The following ERGIC1 variants were observed in gnomAD, a reference collection of about 807,000 sequenced individuals.
ERGIC1 encodes endoplasmic reticulum-Golgi intermediate compartment protein 1.
A neutral mutation model predicts 38.3 loss-of-function variants in ERGIC1; 19 were observed. That is an observed-to-expected ratio of 0.50 (90% CI 0.35 to 0.73). The LOEUF (loss-of-function observed/expected upper bound fraction) is 0.73, where lower values mean the gene tolerates loss of function less well. Among genes scored for constraint, ERGIC1 ranks in the 30% least tolerant of loss-of-function variants. The pLI is 0.01. For synonymous variants in ERGIC1, 124 were observed against 157.6 expected (o/e 0.79, Z 1.60); for missense variants, 294 against 389.2 (o/e 0.76, Z 2.06).
chr5:172,840,428 G>A (rs534203402), intron 1 of ERGIC1, among the ~76,000 whole-genome samples: 110 of 152,274 alleles, frequency 7.2e-4, no homozygotes, highest in African/African-American at 2.6e-3. Context: ...TTTGGGGTGA[G>A]GCTTACCCGG....
intron 5 of ERGIC1, 89 bp downstream of exon 5, chr5:172,914,927 T>A: frequency 6.3e-7 from 1 of 1,578,914 alleles, no homozygotes; most frequent in South Asian, 1.1e-5. Flanking sequence ...AGGCACTCAC[T>A]CGACCTGACC....
chr5:172,877,572 CT>C (rs1317363913), intron 1 of ERGIC1, among the ~76,000 whole-genome samples: 2 of 150,160 alleles, frequency 1.3e-5, no homozygotes, highest in Non-Finnish European at 3.0e-5. Context: ...CACCACCCCC[CT>C]GACACAGGGA....
At chr5:172,944,360 C>CT (rs113635969) in intron 9 of ERGIC1, among the ~76,000 whole-genome samples, 4,766 of 146,044 alleles carry the variant, frequency 0.033, 165 homozygotes, top group East Asian at 0.13. Context: ...ATTAGTCTTC[C>CT]TTTTTTTTTT....
At chr5:172,948,163 C>T (rs1405596064) in intron 9 of ERGIC1, among the ~76,000 whole-genome samples, 1 of 152,164 alleles carries the variant, frequency 6.6e-6, no homozygotes, top group Non-Finnish European at 1.5e-5. Context: ...TCTCCACTCC[C>T]TGGGGGGCCG....
intron 1 of ERGIC1, among the ~76,000 whole-genome samples, chr5:172,848,622 C>G (rs573242407): frequency 6.6e-6 from 1 of 152,118 alleles, no homozygotes; most frequent in Admixed American, 6.5e-5. Flanking sequence ...TCCTCGAGAG[C>G]AGGGGCCATA....
chr5:172,911,439 G>A (rs1264992686), intron 4 of ERGIC1, among the ~76,000 whole-genome samples: 2 of 152,150 alleles, frequency 1.3e-5, no homozygotes, highest in Admixed American at 1.3e-4. Context: ...GGTTCCAGGA[G>A]GGGCCAGGCA....
intron 1 of ERGIC1, among the ~76,000 whole-genome samples, chr5:172,884,300 C>A (rs987175302): frequency 2.9e-5 from 4 of 140,268 alleles, no homozygotes; most frequent in Non-Finnish European, 1.5e-5. Context: ...GTAGCCCAGG[C>A]TGGAGTGCAA....
intron 8 of ERGIC1, chr5:172,934,281 T>C (rs1763840621): frequency 6.6e-6 from 1 of 152,338 alleles, no homozygotes; most frequent in Non-Finnish European, 1.5e-5. Flanking sequence ...TTGCAGACTT[T>C]AGCACCTTGA....
In ERGIC1 at chr5:172,894,132, C is replaced by CTTT. The variant is rs781661227; in HGVS notation, c.83-2848_83-2846dup. ...TCACTGTCTTATGGTGCTGATGATA[C>CTTT]TTTTTTTTTTTTTTTTTTTTTTTTA... On this transcript the variant is annotated intron_variant, in intron 2 of 9. Coordinates refer to ENST00000393784, the MANE Select transcript of ERGIC1 (RefSeq NM_001031711.3). Among the ~76,000 whole-genome samples the CTTT allele has an allele frequency of 1.9e-3, 20 of 10,486 alleles. 4 individuals carry two copies. The highest frequency in any genetic ancestry group is 6.7e-3 in the African/African-American group (19 of 2,818). 6.9% of individuals were successfully genotyped at this position (10,486 alleles called of 152,430 possible).
chr5:172,899,113 C>T (rs1762806423), intron 3 of ERGIC1, among the ~76,000 whole-genome samples: 1 of 152,082 alleles, frequency 6.6e-6, no homozygotes, highest in Non-Finnish European at 1.5e-5. Context: ...AGGCACCAGG[C>T]AGGTGGCTTT....
At chr5:172,883,640 T>C (rs1436002984) in intron 1 of ERGIC1, among the ~76,000 whole-genome samples, 1 of 152,128 alleles carries the variant, frequency 6.6e-6, no homozygotes, top group Non-Finnish European at 1.5e-5. Context: ...AGGCACAGGG[T>C]GCCGATGTGT....
At chr5:172,940,905 T>C (rs1337408407) in intron 9 of ERGIC1, among the ~76,000 whole-genome samples, 3 of 152,254 alleles carry the variant, frequency 2.0e-5, no homozygotes, top group African/African-American at 7.2e-5. Flanking sequence ...CTGACTTACC[T>C]GTGTCCCCAG....
chr5:172,861,436 C>T (rs1047749810), intron 1 of ERGIC1, among the ~76,000 whole-genome samples: 1 of 152,232 alleles, frequency 6.6e-6, no homozygotes, highest in Non-Finnish European at 1.5e-5. Context: ...CTCGGTTCCT[C>T]AGAGGCGCAG....
intron 1 of ERGIC1, among the ~76,000 whole-genome samples, chr5:172,840,858 T>C (rs1293265364): frequency 6.6e-6 from 1 of 152,206 alleles, no homozygotes; most frequent in Non-Finnish European, 1.5e-5. Context: ...ATGTATTCAT[T>C]AAAATGTATA....
intron 3 of ERGIC1, chr5:172,905,402 C>T (rs369110067): frequency 3.8e-5 from 17 of 451,042 alleles, no homozygotes; most frequent in Non-Finnish European, 6.0e-5. Flanking sequence ...GGCCTGTTAC[C>T]GGCGGGTCTT....
chr5:172,866,934 C>T (rs1385074537), intron 1 of ERGIC1: 1 of 324,048 alleles, frequency 3.1e-6, no homozygotes, highest in South Asian at 2.3e-5. Context: ...GTGATATTTG[C>T]AGAACAGGTG....
intron 2 of ERGIC1, among the ~76,000 whole-genome samples, chr5:172,895,550 C>G (rs1308681835): frequency 1.3e-5 from 2 of 152,112 alleles, no homozygotes; most frequent in Non-Finnish European, 2.9e-5. Context: ...ACTGGAACTC[C>G]AGAGTATTTG....
intron 1 of ERGIC1, among the ~76,000 whole-genome samples, chr5:172,862,670 T>C (rs1458898093): frequency 6.6e-6 from 1 of 152,196 alleles, no homozygotes; most frequent in South Asian, 2.1e-4. Context: ...AACCTCAAAT[T>C]TGGGACGTCC....
At chr5:172,928,507 C>T (rs1443386283) in intron 7 of ERGIC1, among the ~76,000 whole-genome samples, 1 of 152,212 alleles carries the variant, frequency 6.6e-6, no homozygotes, top group Non-Finnish European at 1.5e-5. Flanking sequence ...ACCCTCACTC[C>T]TAAGGACAAA....
Sources: allele counts gnomAD v4.1 joint callset (sites outside exome capture counted in the v4.1 genomes callset), GRCh38; gene constraint gnomAD v4.1.1; transcripts MANE v1.5; gene names NCBI Gene and HGNC (gene_info 2026-07-23, HGNC 2026-07-21).